Variants in DAGLB observed in about 807,000 individuals in gnomAD.
DAGLB encodes diacylglycerol lipase beta, also known as diacylglycerol lipase-beta.
Under a neutral mutation model 72.1 loss-of-function variants are expected in DAGLB, and 66 were observed. The observed-to-expected ratio is 0.92, with a 90% CI of 0.75 to 1.12. DAGLB has a LOEUF of 1.12. Ranked by LOEUF, DAGLB falls within the 50% of genes most tolerant of loss-of-function variation. The pLI is 0.00. For missense variants in DAGLB, 1,065 were observed against 884.9 expected (o/e 1.20, Z -2.58); for synonymous variants, 414 against 359.5 (o/e 1.15, Z -1.71).
At chr7:6,445,310 G>A (rs1372539781) in intron 2 of DAGLB, among the ~76,000 whole-genome samples, 1 of 152,178 alleles carries the variant, frequency 6.6e-6, no homozygotes, top group Admixed American at 6.6e-5. Flanking sequence ...ATGAAGTACT[G>A]ATACATGCTA....
intron 11 of DAGLB, among the ~76,000 whole-genome samples, chr7:6,415,653 G>A (rs1039669963): frequency 1.3e-5 from 2 of 151,446 alleles, no homozygotes; most frequent in Non-Finnish European, 2.9e-5. Flanking sequence ...GACCATCCTG[G>A]CTAACACGGT....
Position 6,425,971 on chromosome 7 carries a change from G to C in DAGLB, c.1056+17C>G. The C allele has an allele frequency of 6.2e-7, 1 of 1,613,340 alleles. No homozygotes were observed. The highest frequency in any genetic ancestry group is 8.5e-7 in the Non-Finnish European group (1 of 1,179,496). On this transcript the variant is annotated intron_variant, in intron 7 of 14. Coordinates refer to ENST00000297056, the MANE Select transcript of DAGLB (RefSeq NM_139179.4). ...GACCCAAAAGAAGTGAAGAGCCGCTGTCTGCAGCGTCCACACCTTGTCATG... is the reference window on the plus strand; with the variant it reads ...GACCCAAAAGAAGTGAAGAGCCGCTCTCTGCAGCGTCCACACCTTGTCATG...
intron 2 of DAGLB, among the ~76,000 whole-genome samples, chr7:6,442,371 G>T (rs1784863271): frequency 6.6e-6 from 1 of 151,910 alleles, no homozygotes; most frequent in South Asian, 2.1e-4. Context: ...GGAACGGAGT[G>T]AATATGAGCA....
At chr7:6,427,425 C>T (rs890342450) in intron 6 of DAGLB, among the ~76,000 whole-genome samples, 12 of 152,106 alleles carry the variant, frequency 7.9e-5, no homozygotes, top group African/African-American at 1.9e-4. Context: ...GCGGGAGGAT[C>T]GCTCAAGTGT....
intron 3 of DAGLB, among the ~76,000 whole-genome samples, chr7:6,435,798 G>A (rs1017860036): frequency 6.6e-6 from 1 of 152,194 alleles, no homozygotes; most frequent in Non-Finnish European, 1.5e-5. Flanking sequence ...CCTCCCGAAG[G>A]GGCTCTGCTG....
intron 2 of DAGLB, among the ~76,000 whole-genome samples, chr7:6,442,272 C>T (rs531209930): frequency 3.3e-5 from 5 of 152,172 alleles, no homozygotes; most frequent in Non-Finnish European, 7.4e-5. Flanking sequence ...GATAGACAAC[C>T]CAGAACACTC....
In DAGLB at chr7:6,412,984, C is replaced by T; in HGVS notation, c.1478G>A (p.Gly493Glu). 11 of 1,613,964 alleles carry T rather than the reference C, an allele frequency of 6.8e-6. No homozygotes were observed. Among genetic ancestry groups the T allele is most frequent in the Non-Finnish European group, 9.3e-6 (11 of 1,179,936 alleles). The change falls in exon 12 of 15, where the codon GGG (glycine) becomes GAG (glutamate). Residue 493 changes from glycine (G) to glutamate (E), a missense_variant. Transcript: ENST00000297056. The stretch of plus-strand genomic sequence containing the variant: ...GGCTTACCTGGGAATCACATCCTTC[C>T]CCAGGACGAGTGACACGATGAAGCT... ...SQSFIVSLVL[G>E]KDVIPRLSVT...
At chr7:6,421,881 C>G in intron 8 of DAGLB, 77 bp from the exon 9 acceptor site, 1 of 1,477,552 alleles carries the variant, frequency 6.8e-7, no homozygotes, top group Non-Finnish European at 9.3e-7. Flanking sequence ...GTCCCTGCTC[C>G]TGACACTTCT....
rs143267120 is a variant in DAGLB, at chr7:6,409,954, C to T, written c.1902G>A (p.Lys634=). 1,204 of 1,614,022 alleles carry T rather than the reference C, an allele frequency of 7.5e-4. 2 individuals carry two copies. The highest frequency in any genetic ancestry group is 9.4e-4 in the Non-Finnish European group (1,113 of 1,180,052). ...AEFSKILIGP[K]MLTDHMPDIL... ...TGTCTGGCATGTGGTCGGTGAGCAT[C>T]TTCGGACCTATGAGTATTTTGCTGA... Residue 634 remains lysine, a synonymous_variant, in exon 15 of 15, where the codon AAG becomes AAA. Transcript: ENST00000297056.
chr7:6,444,399 C>G (rs143662490), intron 2 of DAGLB, among the ~76,000 whole-genome samples: 5 of 152,040 alleles, frequency 3.3e-5, no homozygotes, highest in Non-Finnish European at 7.4e-5. Context: ...GTCAGGAGAT[C>G]GAGACAAGCC....
chr7:6,447,731 G>A lies in DAGLB; in HGVS notation c.95+17C>T, dbSNP rs1272276862. The A allele has an allele frequency of 2.5e-6, 4 of 1,607,580 alleles. No homozygotes were observed. The highest frequency in any genetic ancestry group is 3.4e-6 in the Non-Finnish European group (4 of 1,177,418). ...CTCTCCGGTGGGCTCCACCGCCCCCGTAGCCGCCGTCCTTACCACAGCACT... is the reference window on the plus strand; with the variant it reads ...CTCTCCGGTGGGCTCCACCGCCCCCATAGCCGCCGTCCTTACCACAGCACT... On this transcript the variant is annotated intron_variant, in intron 1 of 14. Transcript: ENST00000297056.
At chr7:6,434,019 C>T (rs1342023576) in intron 4 of DAGLB, among the ~76,000 whole-genome samples, 1 of 152,130 alleles carries the variant, frequency 6.6e-6, no homozygotes, top group African/African-American at 2.4e-5. Context: ...TGAGGGGACA[C>T]GCTTCCCTCT....
At chr7:6,420,116 A>G (rs1784062835) in intron 9 of DAGLB, among the ~76,000 whole-genome samples, 1 of 150,376 alleles carries the variant, frequency 6.6e-6, no homozygotes. Flanking sequence ...CACTGCACTC[A>G]AGCCTGGGTG....
At chr7:6,438,665 A>G (rs995571547) in intron 2 of DAGLB, among the ~76,000 whole-genome samples, 1 of 152,304 alleles carries the variant, frequency 6.6e-6, no homozygotes, top group African/African-American at 2.4e-5. Context: ...CTGTGATGAC[A>G]ACTGCTGATA....
chr7:6,410,263 G>A lies in DAGLB; in HGVS notation c.1687C>T (p.Gln563Ter). 6.2e-7 allele frequency: 1 copy of A among 1,613,584 alleles called. No individual in the cohort carries two copies. The highest frequency in any genetic ancestry group is 8.5e-7 in the Non-Finnish European group (1 of 1,179,790). ...GGGGACCAGCGCGTCAGTAGGCTCTGCTCCCCCAGAAGAGGCTGTGTCAGG... is the reference window on the plus strand; with the variant it reads ...GGGGACCAGCGCGTCAGTAGGCTCTACTCCCCCAGAAGAGGCTGTGTCAGG... ...EVLTQPLLGE[Q>*]SLLTRWSPAY... The change falls in exon 14 of 15, where the codon CAG (glutamine) becomes TAG (stop). Residue 563 changes from glutamine to a stop codon, truncating the protein, a stop_gained. Coordinates refer to ENST00000297056, the MANE Select transcript of DAGLB (RefSeq NM_139179.4). LOFTEE classifies it high-confidence loss of function.
rs116737147 is a variant in DAGLB, at chr7:6,416,018, C to T, written c.1427+609G>A. 7.9e-3 allele frequency among the ~76,000 whole-genome samples: 1,201 copies of T among 151,960 alleles called. 12 individuals are homozygous for T. The highest frequency in any genetic ancestry group is 0.028 in the African/African-American group (1,149 of 41,442). On this transcript the variant is annotated intron_variant, in intron 11 of 14. Coordinates refer to ENST00000297056, the MANE Select transcript of DAGLB (RefSeq NM_139179.4). ...GCGCATGGATGTCAACAACCGGACC[C>T]CTCTGCCAGGGCTGTGAGAATGGGG...
intron 2 of DAGLB, among the ~76,000 whole-genome samples, chr7:6,439,033 C>A (rs1784747177): frequency 6.6e-6 from 1 of 151,926 alleles, no homozygotes; most frequent in African/African-American, 2.4e-5. Context: ...GGTGGATGGA[C>A]TGTCTGAGCT....
intron 11 of DAGLB, 99 bp from the exon 12 acceptor site, chr7:6,413,133 A>G: frequency 7.8e-7 from 1 of 1,274,204 alleles, no homozygotes; most frequent in East Asian, 2.5e-5. Flanking sequence ...TTAGGTTCCC[A>G]GGCCTCAGCT....
At chr7:6,444,347 A>G (rs1784929885) in intron 2 of DAGLB, among the ~76,000 whole-genome samples, 1 of 152,214 alleles carries the variant, frequency 6.6e-6, no homozygotes, top group South Asian at 2.1e-4. Flanking sequence ...CACACTTGTA[A>G]TCCTAGCACT....
Sources: allele counts gnomAD v4.1 joint callset (sites outside exome capture counted in the v4.1 genomes callset), GRCh38; gene constraint gnomAD v4.1.1; transcripts MANE v1.5; gene names NCBI Gene and HGNC (gene_info 2026-07-23, HGNC 2026-07-21).